RCN2: variants seen among roughly 807,000 people sequenced by gnomAD.
RCN2 encodes reticulocalbin 2.
RCN2 carries 23 observed loss-of-function variants against 37.5 expected under a neutral mutation model. That is an observed-to-expected ratio of 0.61 (90% confidence interval 0.44 to 0.87). The LOEUF is 0.87. Ranked by LOEUF, RCN2 falls within the 40% of genes least tolerant of loss-of-function variation. RCN2 has a pLI of 0.00. For synonymous variants in RCN2, 140 were observed against 144.6 expected (o/e 0.97, Z 0.23); for missense variants, 381 against 390.4 (o/e 0.98, Z 0.20).
chr15:76,935,667 T>A lies in RCN2; in HGVS notation c.392T>A (p.Ile131Asn), dbSNP rs1381680975. The change falls in exon 3 of 7, where the codon ATT (isoleucine) becomes AAT (asparagine). Residue 131 changes from isoleucine (I) to asparagine (N), a missense_variant. Coordinates refer to ENST00000394885, the MANE Select transcript of RCN2 (RefSeq NM_002902.3). ...AACATTCAGATGTATGATCGTGTGA[T>A]TGACTTTGATGAGAACACTGCTCTG... ...EYNIQMYDRV[I>N]DFDENTALDD... 1.9e-6 allele frequency: 3 copies of A among 1,614,100 alleles called. No homozygotes were observed. The South Asian group carries it at 3.3e-5, about 18-fold the overall frequency.
chr15:76,937,679 A>AT (rs1401612442), intron 3 of RCN2, among the ~76,000 whole-genome samples: 1 of 152,184 alleles, frequency 6.6e-6, no homozygotes, highest in Admixed American at 6.5e-5. Context: ...AAGTGCTAGG[A>AT]TTACAGGTGT....
chr15:76,949,091 A>G lies in RCN2; in HGVS notation c.823A>G (p.Met275Val). Residue 275 changes from methionine to valine, a missense_variant, in exon 7 of 7, where the codon ATG becomes GTG. Physicochemically the swap from Met to Val is conservative, Grantham distance 21. Transcript: ENST00000394885. The stretch of plus-strand genomic sequence containing the variant: ...GAAGGCGCTTCATCTAATTGATGAA[A>G]TGGATTTGAATGGTGACAAAAAGCT... ...QEEALHLIDE[M>V]DLNGDKKLSE... 2.5e-6 allele frequency: 4 copies of G among 1,602,136 alleles called. No individual in the cohort carries two copies. Among genetic ancestry groups the G allele is most frequent in the East Asian group, 2.2e-5 (1 of 44,740 alleles).
intron 2 of RCN2, among the ~76,000 whole-genome samples, chr15:76,933,166 G>C (rs754194129): frequency 6.6e-6 from 1 of 152,174 alleles, no homozygotes; most frequent in African/African-American, 2.4e-5. Context: ...ATAAATTGCT[G>C]TGCAGTTGTC....
rs1247818788 is a variant in RCN2, at chr15:76,954,035, T to A, written c.*4813T>A. 3 of 142,822 alleles carry A rather than the reference T, an allele frequency of 2.1e-5. No individual in the cohort carries two copies. The highest frequency in any genetic ancestry group is 4.6e-5 in the Non-Finnish European group (3 of 65,768). The allele number at this position is 142,822 out of a possible 1,614,324, so 8.8% of individuals were successfully genotyped here. A position where few individuals can be genotyped will look rare whatever the true frequency, so the allele number is the denominator to read the frequency against. On this transcript the variant is annotated 3_prime_UTR_variant, in exon 7 of 7. Coordinates refer to ENST00000394885, the MANE Select transcript of RCN2 (RefSeq NM_002902.3). ...TACATCCTTACCAACACTTGCTATT[T>A]TCTGTTTTTTTTTTTTTCTTTTTTT...
At chr15:76,934,438 A>G (rs1568458651) in intron 2 of RCN2, among the ~76,000 whole-genome samples, 1 of 152,096 alleles carries the variant, frequency 6.6e-6, no homozygotes, top group African/African-American at 2.4e-5. Flanking sequence ...CACTGAGCCC[A>G]GCCAAATAGA....
At chr15:76,947,340 C>G (rs57365998) in intron 4 of RCN2, 81 bp from the exon 5 acceptor site, 12,628 of 785,566 alleles carry the variant, frequency 0.016, 737 homozygotes, top group African/African-American at 0.15. Context: ...TAAAGAAGTT[C>G]TGTAGTAGAA....
chr15:76,936,061 A>G (rs1216393799), intron 3 of RCN2, among the ~76,000 whole-genome samples: 1 of 152,132 alleles, frequency 6.6e-6, no homozygotes, highest in African/African-American at 2.4e-5. Flanking sequence ...GAAGGCCATT[A>G]TGGCCCATTC....
chr15:76,936,214 A>G (rs1351360356), intron 3 of RCN2, among the ~76,000 whole-genome samples: 1 of 152,140 alleles, frequency 6.6e-6, no homozygotes, highest in Non-Finnish European at 1.5e-5. Flanking sequence ...CAACATATAC[A>G]GAACTTTTTT....
At chr15:76,941,895 A>G (rs2075277906) in intron 3 of RCN2, 1 of 386,538 alleles carries the variant, frequency 2.6e-6, no homozygotes, top group Non-Finnish European at 4.6e-6. Flanking sequence ...TCATAAGGAA[A>G]TCAAAGCACT....
chr15:76,940,898 G>T (rs1280635508), intron 3 of RCN2, among the ~76,000 whole-genome samples: 1 of 151,696 alleles, frequency 6.6e-6, no homozygotes, highest in East Asian at 1.9e-4. Context: ...TTTCATATAG[G>T]GAATAAAGAT....
At chr15:76,948,099 G>A (rs1009895294) in intron 5 of RCN2, 1 of 200,666 alleles carries the variant, frequency 5.0e-6, no homozygotes, top group African/African-American at 2.3e-5. Flanking sequence ...ATAGAAACAT[G>A]ATATACAGTA....
intron 3 of RCN2, among the ~76,000 whole-genome samples, chr15:76,938,313 T>C (rs1237771262): frequency 6.6e-6 from 1 of 152,254 alleles, no homozygotes; most frequent in Non-Finnish European, 1.5e-5. Flanking sequence ...ATTTGTCTTA[T>C]AAGTAATCTA....
Position 76,931,761 on chromosome 15 carries a change from G to T in RCN2, c.-81G>T. 1 of 1,093,066 alleles carries T rather than the reference G, an allele frequency of 9.1e-7. No individual in the cohort carries two copies. The allele number at this position is 1,093,066 out of a possible 1,614,324, so 67.7% of individuals were successfully genotyped here. A position where few individuals can be genotyped will look rare whatever the true frequency, so the allele number is the denominator to read the frequency against. ...TACGTCGCACCGCCTCTCTGTAGCC[G>T]CCCGCGGAGCATCGCAGCCGGCCCG... On this transcript the variant is annotated 5_prime_UTR_variant, in exon 1 of 7. Coordinates refer to ENST00000394885, the MANE Select transcript of RCN2 (RefSeq NM_002902.3).
chr15:76,947,627 T>A, intron 5 of RCN2, 110 bp downstream of exon 5: 2 of 706,746 alleles, frequency 2.8e-6, no homozygotes, highest in Non-Finnish European at 4.9e-6. Flanking sequence ...TGAGGATCTG[T>A]GTCTGATCCT....
chr15:76,944,521 C>T (rs1056228165), intron 4 of RCN2, among the ~76,000 whole-genome samples: 1 of 152,110 alleles, frequency 6.6e-6, no homozygotes, highest in Admixed American at 6.5e-5. Context: ...CGCCCCCTCC[C>T]CCAACACTTC....
chr15:76,941,939 C>T (rs1295964141), intron 3 of RCN2: 3 of 315,542 alleles, frequency 9.5e-6, no homozygotes, highest in Non-Finnish European at 1.7e-5. Flanking sequence ...TCAAAAAGAA[C>T]TTGATTGACT....
At chr15:76,934,199 A>G (rs2075237265) in intron 2 of RCN2, among the ~76,000 whole-genome samples, 1 of 151,542 alleles carries the variant, frequency 6.6e-6, no homozygotes, top group Non-Finnish European at 1.5e-5. Context: ...GTTGGCGTGC[A>G]GTAGTGTGAT....
rs928415523 is a variant in RCN2 at position 76,941,720 on chromosome 15, A to G, written c.448-2038A>G. On this transcript the variant is annotated intron_variant, in intron 3 of 6. Transcript: ENST00000394885. ...GCTATTCTTATTTTGTGTTCTTCAA[A>G]TGGCCGTGAAATGTGAACCAGAAAA... 11 of 1,225,186 alleles carry G rather than the reference A, an allele frequency of 9.0e-6. 1 individual carries two copies. In the South Asian group the frequency reaches 1.8e-4, roughly 20 times the overall value. 75.9% of individuals were successfully genotyped at this position (1,225,186 alleles called of 1,614,324 possible).
intron 3 of RCN2, among the ~76,000 whole-genome samples, chr15:76,940,532 T>C: frequency 6.7e-6 from 1 of 150,004 alleles, no homozygotes; most frequent in African/African-American, 2.4e-5. Flanking sequence ...GTCAGCTTAA[T>C]ATCTGAACTT....
Sources: allele counts gnomAD v4.1 joint callset (sites outside exome capture counted in the v4.1 genomes callset), GRCh38; gene constraint gnomAD v4.1.1; transcripts MANE v1.5; gene names NCBI Gene and HGNC (gene_info 2026-07-23, HGNC 2026-07-21).